MAPK4: variants seen among roughly 807,000 people sequenced by gnomAD.
The protein encoded by MAPK4 is mitogen-activated protein kinase 4.
Under a neutral mutation model 47.7 loss-of-function variants are expected in MAPK4, and 22 were observed. The observed-to-expected ratio is 0.46, with a 90% confidence interval of 0.33 to 0.66. MAPK4 has a LOEUF of 0.66. Among genes scored for constraint, MAPK4 ranks in the 30% least tolerant of loss-of-function variants. The pLI is 0.02. For missense variants in MAPK4, 736 were observed against 831.7 expected, an observed-to-expected ratio of 0.88 and a Z score of 1.42; for synonymous variants, 390 against 365.7, an observed-to-expected ratio of 1.07 and a Z score of -0.76.
chr18:50,603,056 G>A (rs757557236), intron 1 of MAPK4, among the ~76,000 whole-genome samples: 10 of 152,160 alleles, frequency 6.6e-5, no homozygotes, highest in Non-Finnish European at 1.5e-4. Flanking sequence ...TCCTGGTAAG[G>A]AGGTAGTGGA....
At chr18:50,687,668 T>A (rs1314174628) in intron 2 of MAPK4, among the ~76,000 whole-genome samples, 1 of 152,048 alleles carries the variant, frequency 6.6e-6, no homozygotes, top group African/African-American at 2.4e-5. Flanking sequence ...AAGTGCCCAC[T>A]CCCAGCGAGA....
intron 1 of MAPK4, among the ~76,000 whole-genome samples, chr18:50,605,850 G>A (rs78695009): frequency 1.3e-5 from 2 of 152,140 alleles, no homozygotes; most frequent in East Asian, 1.9e-4. Context: ...TCTCAGTCTG[G>A]TCTCACTTCC....
intron 2 of MAPK4, among the ~76,000 whole-genome samples, chr18:50,674,903 G>T (rs1468545342): frequency 6.6e-6 from 1 of 152,090 alleles, no homozygotes; most frequent in African/African-American, 2.4e-5. Context: ...CCTTTCTATT[G>T]AATAAGCATG....
rs529815062 is a variant in MAPK4, at chr18:50,675,665, T to G, written c.546+11161T>G. On this transcript the variant is annotated intron_variant, in intron 2 of 5. Coordinates refer to ENST00000400384, the MANE Select transcript of MAPK4 (RefSeq NM_002747.4). ...CACCACCTTGCCCAGCTAATTTTTATATTTTTAGTAGAGGCGGGGTTTCAT... is the reference window on the plus strand; with the variant it reads ...CACCACCTTGCCCAGCTAATTTTTAGATTTTTAGTAGAGGCGGGGTTTCAT... Among the ~76,000 whole-genome samples, 3 of 152,292 alleles carry G rather than the reference T, an allele frequency of 2.0e-5. No homozygotes were observed. The East Asian group carries it at 5.8e-4, about 29-fold the overall frequency.
chr18:50,682,199 A>G (rs1226522925), intron 2 of MAPK4, among the ~76,000 whole-genome samples: 1 of 152,196 alleles, frequency 6.6e-6, no homozygotes, highest in Non-Finnish European at 1.5e-5. Flanking sequence ...TAAATAGTAC[A>G]CTTTAAAATG....
intron 5 of MAPK4, among the ~76,000 whole-genome samples, chr18:50,728,581 C>T (rs1387605890): frequency 6.6e-6 from 1 of 152,210 alleles, no homozygotes; most frequent in Non-Finnish European, 1.5e-5. Flanking sequence ...AGCAGTGAGG[C>T]AGACATGCTA....
At chr18:50,659,566 C>T (rs2043147360) in intron 1 of MAPK4, among the ~76,000 whole-genome samples, 1 of 152,174 alleles carries the variant, frequency 6.6e-6, no homozygotes, top group Admixed American at 6.5e-5. Flanking sequence ...TTTGCCTCCG[C>T]ATGTTAAAAG....
At position 50,611,034 on chromosome 18, in the gene MAPK4, G is replaced by C. The variant is rs139589357; in HGVS notation, c.-871+50791G>C. On this transcript the variant is annotated intron_variant, in intron 1 of 5. Transcript: ENST00000400384. ...GTCCAGCCCTGGGCCAGGGACTGCA[G>C]AGAAGAAGGACATGCTTGAGGTGTT... 9.3e-3 allele frequency among the ~76,000 whole-genome samples: 1,418 copies of C among 152,136 alleles called. 21 individuals are homozygous for C. The highest frequency in any genetic ancestry group is 0.032 in the African/African-American group (1,335 of 41,506).
Position 50,729,309 on chromosome 18 carries a change from C to G in MAPK4, c.1219C>G (p.Arg407Gly). The change falls in exon 6 of 6, where the codon CGC (arginine) becomes GGC (glycine). Residue 407 changes from arginine (R) to glycine (G), a missense_variant. By Grantham distance (125) the Arg-to-Gly change is moderately radical. Transcript: ENST00000400384. Reference sequence around the variant, plus strand: ...CAAGGACTCGCACAGCAGCTCCGAGCGCTTCCTAGAGCAGTCGCACTCGTC... The same window carrying G: ...CAAGGACTCGCACAGCAGCTCCGAGGGCTTCCTAGAGCAGTCGCACTCGTC... Reference protein sequence around the residue: ...PRKDSHSSSERFLEQSHSSME... With the variant: ...PRKDSHSSSEGFLEQSHSSME... The G allele has an allele frequency of 6.2e-7, 1 of 1,605,738 alleles. No homozygotes were observed. The highest frequency in any genetic ancestry group is 8.5e-7 in the Non-Finnish European group (1 of 1,176,426).
At chr18:50,637,947 A>G (rs1262898435) in intron 1 of MAPK4, among the ~76,000 whole-genome samples, 1 of 152,190 alleles carries the variant, frequency 6.6e-6, no homozygotes, top group African/African-American at 2.4e-5. Context: ...AAATACAATC[A>G]CATTCTGAGT....
chr18:50,629,373 T>C (rs2042809188), intron 1 of MAPK4: 1 of 152,188 alleles, frequency 6.6e-6, no homozygotes, highest in South Asian at 2.1e-4. Context: ...ATAACCAGAA[T>C]AGAAATGTAT....
At chr18:50,728,302 C>T (rs539053156) in intron 5 of MAPK4, among the ~76,000 whole-genome samples, 1 of 152,346 alleles carries the variant, frequency 6.6e-6, no homozygotes, top group Non-Finnish European at 1.5e-5. Context: ...TTCATTTGCT[C>T]TTGGCTAGCT....
At chr18:50,686,476 G>C (rs1049181786) in intron 2 of MAPK4, among the ~76,000 whole-genome samples, 11 of 152,178 alleles carry the variant, frequency 7.2e-5, no homozygotes, top group Admixed American at 7.2e-4. Context: ...CTTTACAATG[G>C]TGCGTCCTTT....
intron 1 of MAPK4, among the ~76,000 whole-genome samples, chr18:50,568,742 TC>T (rs2042224373): frequency 6.6e-6 from 1 of 152,180 alleles, no homozygotes; most frequent in African/African-American, 2.4e-5. Context: ...GTGTTTGCCA[TC>T]CTTTTCTTTT....
At chr18:50,616,857 C>A (rs192881505) in intron 1 of MAPK4, among the ~76,000 whole-genome samples, 1 of 152,186 alleles carries the variant, frequency 6.6e-6, no homozygotes, top group Non-Finnish European at 1.5e-5. Context: ...CTGCCTTTCC[C>A]GGTTCCCTGA....
At chr18:50,666,995 A>G (rs1448597658) in intron 2 of MAPK4, among the ~76,000 whole-genome samples, 1 of 152,230 alleles carries the variant, frequency 6.6e-6, no homozygotes, top group African/African-American at 2.4e-5. Flanking sequence ...CACAGCTGAT[A>G]TGGCCAAAGG....
intron 1 of MAPK4, among the ~76,000 whole-genome samples, chr18:50,659,783 G>A (rs985752004): frequency 6.6e-6 from 1 of 152,208 alleles, no homozygotes; most frequent in Non-Finnish European, 1.5e-5. Flanking sequence ...CTTGCTGGGT[G>A]TCATTCAAGC....
intron 3 of MAPK4, among the ~76,000 whole-genome samples, chr18:50,721,723 A>G (rs548742142): frequency 7.9e-5 from 12 of 152,016 alleles, no homozygotes; most frequent in African/African-American, 2.9e-4. Flanking sequence ...ACCAGATTCA[A>G]CTCCCTTTTT....
rs1908386916 is a variant in MAPK4 at position 50,678,229 on chromosome 18, T to C, written c.546+13725T>C. 1.3e-5 allele frequency among the ~76,000 whole-genome samples: 2 copies of C among 152,188 alleles called. No homozygotes were observed. The highest frequency in any genetic ancestry group is 4.8e-5 in the African/African-American group (2 of 41,444). On this transcript the variant is annotated intron_variant, in intron 2 of 5. Coordinates refer to ENST00000400384, the MANE Select transcript of MAPK4 (RefSeq NM_002747.4). The surrounding 1 kb of genome is among the most constrained non-coding windows in gnomAD (Gnocchi z 4.2). The stretch of plus-strand genomic sequence containing the variant: ...ACAAGTCAGAAAATTCTTACTGTAA[T>C]GAACTTGTCAAAATGGATTAATTAG...
Sources: allele counts gnomAD v4.1 joint callset (sites outside exome capture counted in the v4.1 genomes callset), GRCh38; gene constraint gnomAD v4.1.1; non-coding constraint Gnocchi (gnomAD v3.1); transcripts MANE v1.5; gene names NCBI Gene and HGNC (gene_info 2026-07-23, HGNC 2026-07-21).